LATS2: variants seen among roughly 807,000 people sequenced by gnomAD.
LATS2 encodes large tumor suppressor kinase 2, also known as serine/threonine-protein kinase LATS2.
Under a neutral mutation model 76.0 loss-of-function variants are expected in LATS2, and 24 were observed. The ratio of observed to expected loss-of-function variants is 0.32; its 90% CI spans 0.23 to 0.44. The LOEUF (loss-of-function observed/expected upper bound fraction) is 0.44, where lower values mean the gene tolerates loss of function less well. Ranked by LOEUF, LATS2 falls within the 20% of genes least tolerant of loss-of-function variation. LATS2 has a pLI of 1.00. For missense variants in LATS2, 1,286 were observed against 1,481.2 expected (o/e 0.87, Z 2.16); for synonymous variants, 692 against 635.4 (o/e 1.09, Z -1.34).
intron 6 of LATS2, among the ~76,000 whole-genome samples, chr13:20,980,217 G>C (rs1869808430): frequency 6.6e-6 from 1 of 152,184 alleles, no homozygotes; most frequent in Non-Finnish European, 1.5e-5. Context: ...GGATGAAGCT[G>C]AAGAATACGG....
chr13:20,980,818 G>T (rs911739193), intron 6 of LATS2, among the ~76,000 whole-genome samples: 16 of 152,180 alleles, frequency 1.1e-4, no homozygotes, highest in Admixed American at 3.3e-4. Context: ...ACATGTGATG[G>T]CAGGGGCTGC....
chr13:20,989,237 C>T lies in LATS2; in HGVS notation c.543G>A (p.Ala181=), dbSNP rs1177495943. ...PSFEGTGDSF[A]SYHQLSGTPY... ...GGGTACCGCTCAGCTGGTGGTAGGACGCAAACGAATCGCCGGTTCCTTCGA... is the reference window on the plus strand; with the variant it reads ...GGGTACCGCTCAGCTGGTGGTAGGATGCAAACGAATCGCCGGTTCCTTCGA... The change falls in exon 4 of 8, where the codon GCG becomes GCA. Residue 181 remains alanine (A), a synonymous_variant. Coordinates refer to ENST00000382592, the MANE Select transcript of LATS2 (RefSeq NM_014572.3). 3.1e-6 allele frequency: 5 copies of T among 1,613,850 alleles called. No individual in the cohort carries two copies. The highest frequency in any genetic ancestry group is 2.7e-5 in the African/African-American group (2 of 74,928).
At chr13:21,013,437 G>A (rs1871677827) in intron 2 of LATS2, among the ~76,000 whole-genome samples, 1 of 152,178 alleles carries the variant, frequency 6.6e-6, no homozygotes, top group South Asian at 2.1e-4. Flanking sequence ...TCCAGAGTCT[G>A]TGGAAAAAGT....
At chr13:21,029,648 G>C (rs1399909342) in intron 2 of LATS2, among the ~76,000 whole-genome samples, 1 of 151,892 alleles carries the variant, frequency 6.6e-6, no homozygotes, top group Non-Finnish European at 1.5e-5. Context: ...AAAATTAGCC[G>C]GGTGTGGTGG....
At position 20,987,979 on chromosome 13, in the gene LATS2, C is replaced by T; in HGVS notation, c.1801G>A (p.Ala601Thr). ...TGCTGCTCCATGAAGAACTTAAAGG[C>T]GTATGGCGAGTAGCTCTTGATGCGT... ...ESRIKSYSPY[A>T]FKFFMEQHVE... The change falls in exon 4 of 8, where the codon GCC becomes ACC. Residue 601 changes from alanine (A) to threonine (T), a missense_variant. Ala to Thr is a moderately conservative substitution (Grantham distance 58, BLOSUM62 0). Transcript: ENST00000382592. 2 of 1,614,236 alleles carry T rather than the reference C, an allele frequency of 1.2e-6. No homozygotes were observed. Among genetic ancestry groups the T allele is most frequent in the South Asian group, 1.1e-5 (1 of 91,088 alleles).
At chr13:21,044,703 TGTGTGTG>T (rs1331667913) in intron 2 of LATS2, among the ~76,000 whole-genome samples, 4 of 123,298 alleles carry the variant, frequency 3.2e-5, no homozygotes, top group Non-Finnish European at 7.7e-5. Context: ...TGTGTGTGTG[TGTGTGTG>T]TGTGTGTGTG....
rs760363121 is a variant in LATS2, at chr13:20,996,573, G to A, written c.343-5169C>T. Among the ~76,000 whole-genome samples the A allele has an allele frequency of 6.6e-5, 10 of 152,144 alleles. 1 individual carries two copies. In the South Asian group the frequency reaches 1.0e-3, roughly 16 times the overall value. On this transcript the variant is annotated intron_variant, in intron 2 of 7. Transcript: ENST00000382592. The stretch of plus-strand genomic sequence containing the variant: ...TTTTTGTATTTTTAGTAGAGGTGGC[G>A]TTTTGCCATGTTGGCCAGGCTGGTC...
intron 2 of LATS2, among the ~76,000 whole-genome samples, chr13:21,016,996 A>T (rs2138352021): frequency 6.6e-6 from 1 of 152,344 alleles, no homozygotes; most frequent in South Asian, 2.1e-4. Context: ...TTATGAGAAA[A>T]AAACATTCAT....
intron 7 of LATS2, among the ~76,000 whole-genome samples, chr13:20,979,119 T>C (rs1869755833): frequency 6.6e-6 from 1 of 152,202 alleles, no homozygotes; most frequent in Non-Finnish European, 1.5e-5. Flanking sequence ...TGGCCAGCAT[T>C]TTCTGTTCTC....
In LATS2 at chr13:21,049,782, T is replaced by C. The variant is rs573105188; in HGVS notation, c.-204-3552A>G. Among the ~76,000 whole-genome samples, 5 of 152,158 alleles carry C rather than the reference T, an allele frequency of 3.3e-5. No individual in the cohort carries two copies. In the South Asian group the frequency reaches 1.0e-3, roughly 32 times the overall value. On this transcript the variant is annotated intron_variant, in intron 1 of 7. Transcript: ENST00000382592. ...AGTTGGGGGTGGCTGAAGGAGGTCCTGGTTGACTCTGAGGCTGGAAAGCTC... is the reference window on the plus strand; with the variant it reads ...AGTTGGGGGTGGCTGAAGGAGGTCCCGGTTGACTCTGAGGCTGGAAAGCTC...
At chr13:21,027,054 AT>A (rs1331753646) in intron 2 of LATS2, among the ~76,000 whole-genome samples, 1 of 152,134 alleles carries the variant, frequency 6.6e-6, no homozygotes, top group East Asian at 1.9e-4. Context: ...TCTTTTGCCC[AT>A]TTTTAAAGGT....
chr13:21,000,253 C>T (rs512199), intron 2 of LATS2, among the ~76,000 whole-genome samples: 38,409 of 151,526 alleles, frequency 0.25, 5,241 homozygotes, highest in African/African-American at 0.35. Context: ...TGGTAGCATG[C>T]GCCTGTAGCC....
At chr13:21,054,726 C>T (rs1222422005) in intron 1 of LATS2, among the ~76,000 whole-genome samples, 2 of 65,066 alleles carry the variant, frequency 3.1e-5, no homozygotes, top group Non-Finnish European at 7.5e-5. Context: ...ACTAAGTGGC[C>T]GTGTCCCTAG....
intron 2 of LATS2, among the ~76,000 whole-genome samples, chr13:21,039,153 A>G (rs909733247): frequency 3.9e-5 from 6 of 152,138 alleles, no homozygotes; most frequent in African/African-American, 1.4e-4. Flanking sequence ...AGAAAAAAAA[A>G]GGGGAAAAGG....
chr13:21,052,967 T>C (rs1249734223), intron 1 of LATS2, among the ~76,000 whole-genome samples: 1 of 152,102 alleles, frequency 6.6e-6, no homozygotes, highest in East Asian at 1.9e-4. Context: ...CCGGGCACGG[T>C]GGCTCACGCC....
In LATS2 at chr13:20,991,148, T is replaced by G; in HGVS notation, c.475+124A>C. On this transcript the variant is annotated intron_variant, in intron 3 of 7. Transcript: ENST00000382592. The surrounding 1 kb of genome is among the most constrained non-coding windows in gnomAD (Gnocchi z 4.9). ...AGGCTCAGCTTGCCTGTTAACTGAATGAGGCAATGTGCCAGGAGACTGGCT... is the reference window on the plus strand; with the variant it reads ...AGGCTCAGCTTGCCTGTTAACTGAAGGAGGCAATGTGCCAGGAGACTGGCT... The G allele has an allele frequency of 8.2e-7, 1 of 1,212,744 alleles. No individual in the cohort carries two copies. Among genetic ancestry groups the G allele is most frequent in the Non-Finnish European group, 1.2e-6 (1 of 848,988 alleles). The allele number at this position is 1,212,744 out of a possible 1,614,324, so 75.1% of individuals were successfully genotyped here.
Position 20,981,617 on chromosome 13 carries a change from G to A in LATS2, c.2514C>T (p.Pro838=), listed in dbSNP as rs1247762628. Residue 838 remains proline, a synonymous_variant, in exon 6 of 8, where the codon CCC becomes CCT. Transcript: ENST00000382592. Reference sequence around the variant, plus strand: ...TAGACACATCATCCCAGAGGTCGCTGGGCTCCATGCTGTCCTGTCTGACAT... The same window carrying A: ...TAGACACATCATCCCAGAGGTCGCTAGGCTCCATGCTGTCCTGTCTGACAT... ...GSHVRQDSME[P]SDLWDDVSNC... is the part of the protein sequence containing the mutation. 4 of 1,613,934 alleles carry A rather than the reference G, an allele frequency of 2.5e-6. No homozygotes were observed. The highest frequency in any genetic ancestry group is 3.4e-6 in the Non-Finnish European group (4 of 1,179,920).
intron 2 of LATS2, among the ~76,000 whole-genome samples, chr13:20,996,612 C>T (rs554940742): frequency 6.6e-6 from 1 of 152,242 alleles, no homozygotes; most frequent in Non-Finnish European, 1.5e-5. Flanking sequence ...AACTCCTGAC[C>T]TCAGGTGATC....
At chr13:21,014,782 G>A (rs1170389614) in intron 2 of LATS2, among the ~76,000 whole-genome samples, 2 of 152,238 alleles carry the variant, frequency 1.3e-5, no homozygotes, top group Non-Finnish European at 2.9e-5. Flanking sequence ...TGTTTGTTGA[G>A]TGGTTTAAGT....
Sources: allele counts gnomAD v4.1 joint callset (sites outside exome capture counted in the v4.1 genomes callset), GRCh38; gene constraint gnomAD v4.1.1; non-coding constraint Gnocchi (gnomAD v3.1); transcripts MANE v1.5; gene names NCBI Gene and HGNC (gene_info 2026-07-23, HGNC 2026-07-21).